AFF2: variants seen among roughly 807,000 people sequenced by gnomAD.
The protein encoded by AFF2 is AF4/FMR2 family member 2.
Under a neutral mutation model 76.9 loss-of-function variants are expected in AFF2, and 14 were observed. That is an observed-to-expected ratio of 0.18 (90% CI 0.12 to 0.28). The LOEUF is 0.28. AFF2 is among the 10% of genes least tolerant of loss of function. The pLI is 1.00. For missense variants in AFF2, 868 were observed against 1,001.1 expected, an observed-to-expected ratio of 0.87 and a Z score of 1.79; for synonymous variants, 398 against 366.7, an observed-to-expected ratio of 1.09 and a Z score of -0.98.
At chrX:148,708,964 AT>A (rs1166630021) in intron 3 of AFF2, among the ~76,000 whole-genome samples, 1 of 111,290 alleles carries the variant, frequency 9.0e-6, no homozygotes, top group African/African-American at 3.3e-5. Flanking sequence ...TAGATTTTGC[AT>A]TTTTTTCGTT....
chrX:148,570,623 C>A (rs1557242369), intron 1 of AFF2, among the ~76,000 whole-genome samples: 1 of 111,306 alleles, frequency 9.0e-6, no homozygotes, highest in African/African-American at 3.3e-5. Flanking sequence ...TATTGGTTTC[C>A]TGGAGCTGCT....
intron 3 of AFF2, among the ~76,000 whole-genome samples, chrX:148,678,614 A>G (rs1172268840): frequency 8.0e-5 from 9 of 112,213 alleles, no homozygotes; most frequent in Non-Finnish European, 1.5e-4. Flanking sequence ...CCTTCATCTG[A>G]GAGAGCTTGC....
At chrX:148,709,262 C>T (rs782247450) in intron 3 of AFF2, among the ~76,000 whole-genome samples, 9 of 111,352 alleles carry the variant, frequency 8.1e-5, no homozygotes, top group Non-Finnish European at 1.7e-4. Context: ...GACTGCCTTG[C>T]CAAATGTGCC....
intron 9 of AFF2, among the ~76,000 whole-genome samples, chrX:148,936,696 A>G (rs782171618): frequency 8.9e-6 from 1 of 112,728 alleles, no homozygotes; most frequent in Non-Finnish European, 1.9e-5. Flanking sequence ...GTAGGTTTTT[A>G]GAATGTCACA....
At chrX:148,569,892 A>T (rs1447013118) in intron 1 of AFF2, among the ~76,000 whole-genome samples, 1 of 112,059 alleles carries the variant, frequency 8.9e-6, no homozygotes, top group Admixed American at 9.5e-5. Flanking sequence ...ACAATCATAC[A>T]TGATATCAGA....
At chrX:148,738,775 G>C (rs1346316485) in intron 3 of AFF2, among the ~76,000 whole-genome samples, 1 of 111,002 alleles carries the variant, frequency 9.0e-6, no homozygotes, top group Non-Finnish European at 1.9e-5. Flanking sequence ...CTTTCCTCTT[G>C]GCACCACCTT....
At chrX:148,908,190 G>A (rs782226743) in intron 9 of AFF2, among the ~76,000 whole-genome samples, 50 of 110,815 alleles carry the variant, frequency 4.5e-4, no homozygotes, top group African/African-American at 1.4e-3. Flanking sequence ...TGCAGTTAAG[G>A]CAATCATTAC....
intron 3 of AFF2, among the ~76,000 whole-genome samples, chrX:148,725,601 G>A (rs1308458278): frequency 8.1e-5 from 9 of 111,725 alleles, no homozygotes; most frequent in East Asian, 2.9e-4. Flanking sequence ...CATAATGTCC[G>A]TCTTTGATAA....
At chrX:148,969,129 T>C (rs782560827) in intron 15 of AFF2, among the ~76,000 whole-genome samples, 6 of 112,891 alleles carry the variant, frequency 5.3e-5, no homozygotes, top group Non-Finnish European at 9.4e-5. Flanking sequence ...CACAGACATA[T>C]ATACATATGA....
At chrX:148,758,058 A>G (rs1297494691) in intron 3 of AFF2, among the ~76,000 whole-genome samples, 1 of 112,436 alleles carries the variant, frequency 8.9e-6, no homozygotes, top group Non-Finnish European at 1.9e-5. Context: ...TAAAAAGTAC[A>G]TATTTGCATT....
At chrX:148,734,517 C>T (rs1557264944) in intron 3 of AFF2, among the ~76,000 whole-genome samples, 2 of 111,551 alleles carry the variant, frequency 1.8e-5, no homozygotes, top group African/African-American at 6.5e-5. Context: ...ATTCAATTCG[C>T]CACACTGACT....
chrX:148,668,696 C>T lies in AFF2; in HGVS notation c.1041+5928C>T, dbSNP rs1348048376. On this transcript the variant is annotated intron_variant, in intron 3 of 20. Coordinates refer to ENST00000370460, the MANE Select transcript of AFF2 (RefSeq NM_002025.4). ...CAACTAGAATGCAGGGTACCAAGTC[C>T]CTAGGCTGCACAGAGCAGAGGGCCC... is the stretch of plus-strand genomic sequence containing the variant. Among the ~76,000 whole-genome samples, 3 of 112,061 alleles carry T rather than the reference C, an allele frequency of 2.7e-5. No homozygotes were observed. The East Asian group carries it at 8.5e-4, about 32-fold the overall frequency.
At chrX:148,912,964 C>T (rs973300239) in intron 9 of AFF2, among the ~76,000 whole-genome samples, 1 of 113,098 alleles carries the variant, frequency 8.8e-6, no homozygotes, top group Non-Finnish European at 1.9e-5. Flanking sequence ...CTAACTGGCT[C>T]TCGCCAATTT....
intron 1 of AFF2, among the ~76,000 whole-genome samples, chrX:148,552,376 G>C (rs1557239068): frequency 8.9e-6 from 1 of 111,737 alleles, no homozygotes; most frequent in South Asian, 3.7e-4. Flanking sequence ...GCTTGAACTG[G>C]CTATTTTGTC....
chrX:148,781,104 C>G (rs1256390264), intron 3 of AFF2, among the ~76,000 whole-genome samples: 1 of 112,074 alleles, frequency 8.9e-6, no homozygotes, highest in Non-Finnish European at 1.9e-5. Flanking sequence ...GATTGCTGCC[C>G]GTTCCTTCCT....
chrX:148,721,635 G>T (rs1229363858), intron 3 of AFF2, among the ~76,000 whole-genome samples: 1 of 111,659 alleles, frequency 9.0e-6, no homozygotes, highest in Non-Finnish European at 1.9e-5. Context: ...GATTTTATTT[G>T]ACTATTTCAA....
intron 3 of AFF2, among the ~76,000 whole-genome samples, chrX:148,784,987 A>G (rs1383025342): frequency 9.0e-6 from 1 of 111,574 alleles, no homozygotes; most frequent in South Asian, 3.8e-4. Context: ...GGAGCCGCAT[A>G]TACATTTGGG....
At chrX:148,941,725 G>T (rs2071836870) in intron 9 of AFF2, among the ~76,000 whole-genome samples, 1 of 48,973 alleles carries the variant, frequency 2.0e-5, no homozygotes, top group Non-Finnish European at 6.1e-5. Flanking sequence ...ATCCATAGAG[G>T]CAGTTGAAGG....
chrX:148,671,981 A>C (rs782068421), intron 3 of AFF2, among the ~76,000 whole-genome samples: 1 of 111,837 alleles, frequency 8.9e-6, no homozygotes, highest in African/African-American at 3.2e-5. Flanking sequence ...GTGTGTTCCA[A>C]ATCATCTTGT....
Sources: allele counts gnomAD v4.1 joint callset (sites outside exome capture counted in the v4.1 genomes callset), GRCh38; gene constraint gnomAD v4.1.1; transcripts MANE v1.5; gene names NCBI Gene and HGNC (gene_info 2026-07-23, HGNC 2026-07-21).